B4GALNT3: variants seen among roughly 807,000 people sequenced by gnomAD.
B4GALNT3 encodes beta-1,4-N-acetyl-galactosaminyltransferase 3, also known as beta-1,4-N-acetylgalactosaminyltransferase 3.
Under a neutral mutation model 120.2 loss-of-function variants are expected in B4GALNT3, and 86 were observed. The observed-to-expected ratio is 0.72, with a 90% CI of 0.60 to 0.86. B4GALNT3 has a LOEUF of 0.86. Ranked by LOEUF, B4GALNT3 falls within the 40% of genes least tolerant of loss-of-function variation. The pLI, the probability that B4GALNT3 is intolerant of heterozygous loss-of-function variation, is 0.00. For missense variants in B4GALNT3, 1,167 were observed against 1,298.9 expected (o/e 0.90, Z 1.56); for synonymous variants, 518 against 510.4 (o/e 1.01, Z -0.20).
At chr12:552,590 A>G in intron 13 of B4GALNT3, 62 bp downstream of exon 13, 1 of 1,539,612 alleles carries the variant, frequency 6.5e-7, no homozygotes, top group Admixed American at 1.7e-5. Flanking sequence ...GTCTGTTTCC[A>G]GGGGATGTTC....
intron 1 of B4GALNT3, among the ~76,000 whole-genome samples, chr12:469,297 C>CT (rs553838216): frequency 1.5e-3 from 235 of 152,260 alleles, no homozygotes; most frequent in Middle Eastern, 6.8e-3. Context: ...TCCCGTAGAA[C>CT]TTTCCTTATG....
chr12:550,828 G>A lies in B4GALNT3; in HGVS notation c.998-94G>A. 1 of 1,019,168 alleles carries A rather than the reference G, an allele frequency of 9.8e-7. No individual in the cohort carries two copies. The highest frequency in any genetic ancestry group is 1.5e-6 in the Non-Finnish European group (1 of 680,556). The allele number at this position is 1,019,168 out of a possible 1,614,324, so 63.1% of individuals were successfully genotyped here. A position where few individuals can be genotyped will look rare whatever the true frequency, so the allele number is the denominator to read the frequency against. Reference sequence around the variant, plus strand: ...CGTCGGCAGAACACAGCTGCCGCTTGCGAATACAGAAAGGGCCCTGCTCAG... The same window carrying A: ...CGTCGGCAGAACACAGCTGCCGCTTACGAATACAGAAAGGGCCCTGCTCAG... On this transcript the variant is annotated intron_variant, in intron 10 of 19. Transcript: ENST00000266383. The surrounding 1 kb of genome is among the most constrained non-coding windows in gnomAD (Gnocchi z 4.1).
chr12:559,077 A>G (rs552756642), intron 18 of B4GALNT3, among the ~76,000 whole-genome samples: 1 of 152,188 alleles, frequency 6.6e-6, no homozygotes, highest in East Asian at 1.9e-4. Flanking sequence ...TTATCAGCCC[A>G]TGGGCACAGC....
At chr12:498,380 G>A (rs1295577438) in intron 1 of B4GALNT3, among the ~76,000 whole-genome samples, 1 of 152,204 alleles carries the variant, frequency 6.6e-6, no homozygotes, top group Admixed American at 6.5e-5. Context: ...GCCACTGTGT[G>A]CTGGCTTTGG....
chr12:552,322 C>T, intron 12 of B4GALNT3, 145 bp from the exon 13 acceptor site: 2 of 865,916 alleles, frequency 2.3e-6, no homozygotes, highest in Non-Finnish European at 3.8e-6. Context: ...CACACACACA[C>T]ACACACACAC....
chr12:555,255 C>T, intron 14 of B4GALNT3: 2 of 441,502 alleles, frequency 4.5e-6, no homozygotes, highest in South Asian at 3.2e-5. Context: ...CTCCTACCCC[C>T]AGTAGTGTCT....
chr12:524,457 G>A (rs566084060), intron 1 of B4GALNT3, among the ~76,000 whole-genome samples: 5 of 152,160 alleles, frequency 3.3e-5, no homozygotes, highest in South Asian at 2.1e-4. Flanking sequence ...AAAAGGAGCC[G>A]TCAGGTGGGG....
At chr12:493,467 G>A (rs147190682) in intron 1 of B4GALNT3, among the ~76,000 whole-genome samples, 139 of 152,304 alleles carry the variant, frequency 9.1e-4, no homozygotes, top group African/African-American at 3.1e-3. Context: ...CATTGCTGGT[G>A]GGAATGCAAA....
intron 1 of B4GALNT3, among the ~76,000 whole-genome samples, chr12:521,752 C>T (rs71447493): frequency 0.076 from 11,493 of 152,222 alleles, 519 homozygotes; most frequent in Non-Finnish European, 0.088. Flanking sequence ...ACTAATTCTA[C>T]GTGCTCGCTC....
rs182417902 is a variant in B4GALNT3, at chr12:557,776, C to T, written c.2534+15C>T. On this transcript the variant is annotated intron_variant, in intron 16 of 19. Coordinates refer to ENST00000266383, the MANE Select transcript of B4GALNT3 (RefSeq NM_173593.4). ...AAGCTGCGGAGGTGAGGGGGACCACCAGCCAGGGGGTGGCATGGGCCACGT... is the reference window on the plus strand; with the variant it reads ...AAGCTGCGGAGGTGAGGGGGACCACTAGCCAGGGGGTGGCATGGGCCACGT... The T allele has an allele frequency of 2.1e-5, 34 of 1,595,576 alleles. No homozygotes were observed. Among genetic ancestry groups the T allele is most frequent in the Non-Finnish European group, 2.7e-5 (32 of 1,174,046 alleles).
intron 1 of B4GALNT3, among the ~76,000 whole-genome samples, chr12:512,192 C>CACCTTCCACCTTCT (rs1180420060): frequency 1.3e-5 from 1 of 79,252 alleles, no homozygotes; most frequent in Non-Finnish European, 2.5e-5. Flanking sequence ...TTCCACCTTC[C>CACCTTCCACCTTCT]GCCTTCCACC....
intron 18 of B4GALNT3, 63 bp from the exon 19 acceptor site, chr12:559,232 G>A: frequency 1.2e-6 from 2 of 1,606,502 alleles, no homozygotes; most frequent in Non-Finnish European, 1.7e-6. Flanking sequence ...CAGCCTGGAA[G>A]CCTCCTTCCT....
At position 561,564 on chromosome 12, in the gene B4GALNT3, C is replaced by A; in HGVS notation, c.*113C>A. ...GGGGTGACGGCTGGACCCCAAGAGG[C>A]CTCGAAGCTGACGGCCCACTCCACC... is the stretch of plus-strand genomic sequence containing the variant. On this transcript the variant is annotated 3_prime_UTR_variant, in exon 20 of 20. Coordinates refer to ENST00000266383, the MANE Select transcript of B4GALNT3 (RefSeq NM_173593.4). 1.2e-6 allele frequency: 1 copy of A among 834,648 alleles called. No individual in the cohort carries two copies. The highest frequency in any genetic ancestry group is 1.9e-6 in the Non-Finnish European group (1 of 538,752). 51.7% of individuals were successfully genotyped at this position (834,648 alleles called of 1,614,324 possible).
intron 1 of B4GALNT3, among the ~76,000 whole-genome samples, chr12:494,651 T>A (rs1195923175): frequency 6.6e-6 from 1 of 152,120 alleles, no homozygotes; most frequent in Non-Finnish European, 1.5e-5. Context: ...GAGACCCGTG[T>A]AGTACTGGAC....
At position 556,802 on chromosome 12, in the gene B4GALNT3, C is replaced by T; in HGVS notation, c.2316C>T (p.Pro772=). ...RQVLNTRAQE[P]KLCWPQGFSW... is the part of the protein sequence containing the mutation. Reference sequence around the variant, plus strand: ...TCCTGAATACCCGGGCCCAAGAGCCCAAGCTGTGCTGGCCTCAGGGTTTCT... The same window carrying T: ...TCCTGAATACCCGGGCCCAAGAGCCTAAGCTGTGCTGGCCTCAGGGTTTCT... The change falls in exon 15 of 20, where the codon CCC becomes CCT. Residue 772 remains proline (P), a synonymous_variant. Transcript: ENST00000266383. 6.2e-7 allele frequency: 1 copy of T among 1,613,850 alleles called. No individual in the cohort carries two copies. The highest frequency in any genetic ancestry group is 2.2e-5 in the East Asian group (1 of 44,882).
intron 1 of B4GALNT3, among the ~76,000 whole-genome samples, chr12:477,392 C>T (rs1250617212): frequency 1.3e-5 from 2 of 152,214 alleles, no homozygotes; most frequent in East Asian, 3.8e-4. Context: ...ATGTTCCCAA[C>T]TCAGCTGCCT....
chr12:499,340 G>A (rs747905137), intron 1 of B4GALNT3, among the ~76,000 whole-genome samples: 5 of 152,220 alleles, frequency 3.3e-5, no homozygotes, highest in Non-Finnish European at 5.9e-5. Flanking sequence ...GGGAGAGCCC[G>A]TGCTCTCACT....
intron 1 of B4GALNT3, among the ~76,000 whole-genome samples, chr12:498,782 G>A (rs1946413178): frequency 6.6e-6 from 1 of 152,218 alleles, no homozygotes; most frequent in Non-Finnish European, 1.5e-5. Flanking sequence ...TCTTTAAGAG[G>A]TTCCTTCAAG....
intron 1 of B4GALNT3, among the ~76,000 whole-genome samples, chr12:473,735 G>A (rs1348917886): frequency 6.6e-6 from 1 of 152,142 alleles, no homozygotes; most frequent in African/African-American, 2.4e-5. Context: ...TATATGCCAG[G>A]CTATGCTCTG....
Sources: allele counts gnomAD v4.1 joint callset (sites outside exome capture counted in the v4.1 genomes callset), GRCh38; gene constraint gnomAD v4.1.1; non-coding constraint Gnocchi (gnomAD v3.1); transcripts MANE v1.5; gene names NCBI Gene and HGNC (gene_info 2026-07-23, HGNC 2026-07-21).